KIF11: variants seen among roughly 807,000 people sequenced by gnomAD.
KIF11 encodes kinesin-like protein KIF11.
In KIF11, 9 loss-of-function variants were observed where a neutral mutation model predicts 121.0. That is an observed-to-expected ratio of 0.07 (90% confidence interval 0.04 to 0.13). KIF11 has a LOEUF of 0.13. Among genes scored for constraint, KIF11 ranks in the 10% least tolerant of loss-of-function variants. The probability of loss-of-function intolerance (pLI) is 1.00; values close to 1 mark genes in which losing one functional copy is unlikely to be tolerated. For synonymous variants in KIF11, 408 were observed against 421.0 expected (o/e 0.97, Z 0.38); for missense variants, 846 against 1,217.5 (o/e 0.69, Z 4.54).
intron 6 of KIF11, among the ~76,000 whole-genome samples, chr10:92,612,357 C>T (rs1371447160): frequency 1.3e-5 from 2 of 152,048 alleles, no homozygotes; most frequent in Admixed American, 6.6e-5. Flanking sequence ...AGGCTGGTTT[C>T]GAACTCCTGA....
At chr10:92,614,159 C>T (rs914690079) in intron 8 of KIF11, among the ~76,000 whole-genome samples, 3 of 150,642 alleles carry the variant, frequency 2.0e-5, no homozygotes, top group East Asian at 1.9e-4. Context: ...TGCGATGACG[C>T]GATCTCGGCT....
In KIF11 at chr10:92,652,265, C is replaced by T. The variant is rs572037689; in HGVS notation, c.3040-1400C>T. On this transcript the variant is annotated intron_variant, in intron 21 of 21. Coordinates refer to ENST00000260731, the MANE Select transcript of KIF11 (RefSeq NM_004523.4). The stretch of plus-strand genomic sequence containing the variant: ...TAGCGATTCTCTTGCCTCATCCTCC[C>T]GAGTAGCTGGGATTACAGGCATGCA... 4.6e-5 allele frequency among the ~76,000 whole-genome samples: 7 copies of T among 152,044 alleles called. No homozygotes were observed. In the South Asian group the frequency reaches 6.2e-4, roughly 14 times the overall value.
At chr10:92,597,975 T>C (rs561697688) in intron 1 of KIF11, among the ~76,000 whole-genome samples, 2 of 152,004 alleles carry the variant, frequency 1.3e-5, no homozygotes, top group Non-Finnish European at 2.9e-5. Context: ...CCTTTAAATA[T>C]AGTATCTTGC....
intron 1 of KIF11, among the ~76,000 whole-genome samples, chr10:92,600,632 C>T (rs770009665): frequency 2.0e-5 from 3 of 151,964 alleles, no homozygotes; most frequent in African/African-American, 7.2e-5. Context: ...CTCAGCCTCC[C>T]GAGTAGCTGG....
intron 8 of KIF11, among the ~76,000 whole-genome samples, chr10:92,615,481 A>G (rs1252719281): frequency 6.6e-6 from 1 of 152,130 alleles, no homozygotes; most frequent in Non-Finnish European, 1.5e-5. Flanking sequence ...GATTTAATTC[A>G]CATACCATAA....
At chr10:92,608,461 C>T (rs899520478) in intron 4 of KIF11, among the ~76,000 whole-genome samples, 7 of 145,210 alleles carry the variant, frequency 4.8e-5, no homozygotes, top group East Asian at 2.0e-4. Context: ...TTTTTTGAGA[C>T]GGAGTCTCGC....
chr10:92,601,261 T>C (rs1299300378), intron 1 of KIF11, among the ~76,000 whole-genome samples: 1 of 151,848 alleles, frequency 6.6e-6, no homozygotes, highest in African/African-American at 2.4e-5. Flanking sequence ...AATGCAGTGG[T>C]GCAATCTCTG....
intron 2 of KIF11, 35 bp from the exon 3 acceptor site, chr10:92,606,584 A>T: frequency 7.9e-7 from 1 of 1,266,380 alleles, no homozygotes; most frequent in Non-Finnish European, 1.1e-6. Context: ...AGTAATTTTG[A>T]GGTTGATTTT....
chr10:92,617,802 C>T (rs1335490841), intron 9 of KIF11, among the ~76,000 whole-genome samples: 3 of 151,416 alleles, frequency 2.0e-5, no homozygotes, highest in African/African-American at 4.9e-5. Flanking sequence ...TGCAGTGGCA[C>T]GATCTTGACT....
chr10:92,629,154 T>C (rs1256163319), intron 11 of KIF11, among the ~76,000 whole-genome samples: 1 of 151,970 alleles, frequency 6.6e-6, no homozygotes, highest in Admixed American at 6.6e-5. Context: ...CTAATTTTTT[T>C]TGTATTTTTA....
chr10:92,604,468 G>T (rs564094147), intron 1 of KIF11, among the ~76,000 whole-genome samples: 39 of 152,248 alleles, frequency 2.6e-4, no homozygotes, highest in Non-Finnish European at 4.7e-4. Flanking sequence ...TTCTACCTTA[G>T]TTTTGTTGAA....
At chr10:92,609,739 T>A (rs1433661459) in intron 6 of KIF11, among the ~76,000 whole-genome samples, 1 of 151,912 alleles carries the variant, frequency 6.6e-6, no homozygotes, top group Admixed American at 6.6e-5. Context: ...AGTATTAAAC[T>A]TTTTTTTCTT....
rs1274369231 is a variant in KIF11 at position 92,609,301 on chromosome 10, AGAGTGTGTGTGTGTGTGT to A, written c.574-82_574-65del. The stretch of plus-strand genomic sequence containing the variant: ...GAGAGAGAGAGAGAGAGAGAGAGAG[AGAGTGTGTGTGTGTGTGT>A]GTGTGTGTGTGTGTGTGTGTGTGTT... On this transcript the variant is annotated intron_variant, in intron 5 of 21. Transcript: ENST00000260731. 325 of 601,000 alleles carry A rather than the reference AGAGTGTGTGTGTGTGTGT, an allele frequency of 5.4e-4. No homozygotes were observed. In the African/African-American group the frequency reaches 0.01, roughly 19 times the overall value. 37.2% of individuals were successfully genotyped at this position (601,000 alleles called of 1,614,324 possible).
At chr10:92,628,925 T>G in intron 11 of KIF11, 30 bp downstream of exon 11, 1 of 1,143,782 alleles carries the variant, frequency 8.7e-7, no homozygotes, top group Non-Finnish European at 1.3e-6. Context: ...TTTACTGTTA[T>G]GTGAAAAGCA....
chr10:92,600,110 A>G (rs373252565), intron 1 of KIF11, among the ~76,000 whole-genome samples: 2 of 151,194 alleles, frequency 1.3e-5, no homozygotes, highest in African/African-American at 2.4e-5. Flanking sequence ...GGTTCAAGCA[A>G]TTCTGTGCCT....
chr10:92,610,611 G>A lies in KIF11; in HGVS notation c.698+1102G>A, dbSNP rs567083018. On this transcript the variant is annotated intron_variant, in intron 6 of 21. Coordinates refer to ENST00000260731, the MANE Select transcript of KIF11 (RefSeq NM_004523.4). Reference sequence around the variant, plus strand: ...CAATGGATTGCAATTAGATATTTGCGTGTAGTCTCAGTTTCGCGGTTAATT... The same window carrying A: ...CAATGGATTGCAATTAGATATTTGCATGTAGTCTCAGTTTCGCGGTTAATT... Among the ~76,000 whole-genome samples the A allele has an allele frequency of 3.3e-5, 5 of 152,286 alleles. No individual in the cohort carries two copies. In the East Asian group the frequency reaches 5.8e-4, roughly 18 times the overall value.
At chr10:92,619,928 C>T (rs974176217) in intron 9 of KIF11, among the ~76,000 whole-genome samples, 20 of 151,388 alleles carry the variant, frequency 1.3e-4, no homozygotes, top group African/African-American at 4.8e-4. Flanking sequence ...TTGACGTGTT[C>T]CTCTGTTCTT....
chr10:92,612,002 A>G (rs1844502510), intron 6 of KIF11, among the ~76,000 whole-genome samples: 1 of 152,216 alleles, frequency 6.6e-6, no homozygotes. Flanking sequence ...ATATTAACAA[A>G]CATAATAATG....
Position 92,645,630 on chromosome 10 carries a change from C to A in KIF11, c.2535C>A (p.His845Gln). Residue 845 changes from histidine (H) to glutamine (Q), a missense_variant, in exon 18 of 22, where the codon CAC becomes CAA. His to Gln is a conservative substitution (Grantham distance 24). Transcript: ENST00000260731. ...SSLNEREQEL[H>Q]NLLEVVSQCC... ...TAAATGAAAGGGAACAGGAACTTCA[C>A]AACTTATTGGAGGTAATAACTTTGT... The A allele has an allele frequency of 6.3e-7, 1 of 1,593,666 alleles. No individual in the cohort carries two copies. Among genetic ancestry groups the A allele is most frequent in the Non-Finnish European group, 8.5e-7 (1 of 1,170,414 alleles).
Sources: gnomAD v4.1 joint callset for allele counts (sites outside exome capture counted in the v4.1 genomes callset) on GRCh38, gnomAD v4.1.1 for gene constraint, MANE v1.5 for transcripts, NCBI Gene and HGNC (gene_info 2026-07-23, HGNC 2026-07-21) for gene names.